LRRFIP2: variants seen among roughly 807,000 people sequenced by gnomAD.
LRRFIP2 encodes LRR binding FLII interacting protein 2.
A neutral mutation model predicts 125.9 loss-of-function variants in LRRFIP2; 109 were observed. The observed-to-expected ratio is 0.87, with a 90% CI of 0.74 to 1.01. The LOEUF is 1.01. LRRFIP2 is among the 50% of genes least tolerant of loss of function. The probability of loss-of-function intolerance (pLI) is 0.00; values close to 1 mark genes in which losing one functional copy is unlikely to be tolerated. For missense variants in LRRFIP2, 850 were observed against 862.3 expected, an observed-to-expected ratio of 0.99 and a Z score of 0.18; for synonymous variants, 291 against 293.1, an observed-to-expected ratio of 0.99 and a Z score of 0.07.
rs1293922114 is a variant in LRRFIP2, at chr3:37,072,874, CT to C, written c.1379del (p.Gln460ArgfsTer7). 6.2e-7 allele frequency: 1 copy of C among 1,608,292 alleles called. No homozygotes were observed. The highest frequency in any genetic ancestry group is 2.2e-5 in the East Asian group (1 of 44,742). On this transcript the variant is annotated frameshift_variant, in exon 21 of 28. Transcript: ENST00000336686. LOFTEE classifies it high-confidence loss of function. Reference sequence around the variant, plus strand: ...TGGTGTCTATTTTCTGCTGCATGCGCTGCTTCTCCTGCAGAGGAAGAGGGGA... The same window carrying C: ...TGGTGTCTATTTTCTGCTGCATGCGCGCTTCTCCTGCAGAGGAAGAGGGGA... ...RQRDELIEEK[Q>X]RMQQKIDTMT... is the part of the protein sequence containing the mutation.
At chr3:37,114,614 C>T (rs907622299) in intron 7 of LRRFIP2, among the ~76,000 whole-genome samples, 6 of 151,868 alleles carry the variant, frequency 4.0e-5, no homozygotes, top group African/African-American at 1.5e-4. Context: ...AAAACCCCAT[C>T]TCTACAAAAA....
intron 2 of LRRFIP2, chr3:37,135,242 C>T: frequency 1.6e-6 from 1 of 618,386 alleles, no homozygotes; most frequent in South Asian, 1.8e-5. Flanking sequence ...GGGCTGATCA[C>T]TAGGTCAGGA....
intron 19 of LRRFIP2, among the ~76,000 whole-genome samples, chr3:37,083,065 C>T (rs1411166991): frequency 6.6e-6 from 1 of 152,142 alleles, no homozygotes; most frequent in Non-Finnish European, 1.5e-5. Flanking sequence ...CTGCAGTTGT[C>T]AGAGAGCAAA....
At chr3:37,096,079 G>C (rs1490170776) in intron 16 of LRRFIP2, among the ~76,000 whole-genome samples, 1 of 152,100 alleles carries the variant, frequency 6.6e-6, no homozygotes, top group Non-Finnish European at 1.5e-5. Flanking sequence ...TTACATATAA[G>C]TTCGCATTTG....
At chr3:37,071,742 A>C (rs1052032798) in intron 21 of LRRFIP2, among the ~76,000 whole-genome samples, 1 of 152,190 alleles carries the variant, frequency 6.6e-6, no homozygotes, top group African/African-American at 2.4e-5. Flanking sequence ...GACTTTTCTT[A>C]CATGTTCTAT....
At position 37,053,862 on chromosome 3, in the gene LRRFIP2, C is replaced by A; in HGVS notation, c.2155G>T (p.Ala719Ser). 2 of 1,613,530 alleles carry A rather than the reference C, an allele frequency of 1.2e-6. No homozygotes were observed. The highest frequency in any genetic ancestry group is 1.7e-6 in the Non-Finnish European group (2 of 1,179,414). Residue 719 changes from alanine (A) to serine (S), a missense_variant, in exon 28 of 28, where the codon GCC (alanine) becomes TCC (serine). Ala to Ser is a moderately conservative substitution (Grantham distance 99). Transcript: ENST00000336686. ...GAAGGGTGGTTTTCCTACTGCTGGG[C>A]CAGAAGTGCTGTCCTATTGGCCTTC... is the stretch of plus-strand genomic sequence containing the variant. ...KMKANRTALL[A>S]QQ
chr3:37,153,094 GAA>G (rs1418535690), intron 1 of LRRFIP2, among the ~76,000 whole-genome samples: 1 of 152,090 alleles, frequency 6.6e-6, no homozygotes, highest in Admixed American at 6.5e-5. Flanking sequence ...TAGCATTAAG[GAA>G]AAAGAGATGC....
chr3:37,102,665 A>AT (rs901668876), intron 15 of LRRFIP2, among the ~76,000 whole-genome samples: 3 of 151,106 alleles, frequency 2.0e-5, no homozygotes, highest in Admixed American at 6.6e-5. Flanking sequence ...CACCCAGCTA[A>AT]TTTTTTTTGT....
chr3:37,067,207 G>A (rs1459377817), intron 21 of LRRFIP2: 1 of 152,194 alleles, frequency 6.6e-6, no homozygotes, highest in East Asian at 1.9e-4. Context: ...GGAGAATCAG[G>A]TTGGTGATTT....
chr3:37,144,469 T>C (rs10154916), intron 2 of LRRFIP2, among the ~76,000 whole-genome samples: 53,374 of 152,028 alleles, frequency 0.35, 10,549 homozygotes, highest in Non-Finnish European at 0.45. Context: ...AAGCCAGGCA[T>C]GGTAGTGGTG....
chr3:37,121,382 C>A, intron 6 of LRRFIP2, 110 bp downstream of exon 6: 2 of 1,015,068 alleles, frequency 2.0e-6, no homozygotes, highest in East Asian at 2.5e-5. Context: ...TTTTATACTT[C>A]TTTTAAAAAC....
intron 1 of LRRFIP2, among the ~76,000 whole-genome samples, chr3:37,151,787 G>T (rs899122002): frequency 6.6e-6 from 1 of 151,984 alleles, no homozygotes; most frequent in Admixed American, 6.6e-5. Flanking sequence ...TAGTAGAAAC[G>T]GGGTTTCGCC....
intron 1 of LRRFIP2, among the ~76,000 whole-genome samples, chr3:37,167,970 T>A (rs1488743284): frequency 1.3e-5 from 2 of 152,168 alleles, no homozygotes; most frequent in Admixed American, 1.3e-4. Flanking sequence ...AGTGAGACCC[T>A]GGCTCAACAT....
intron 1 of LRRFIP2, among the ~76,000 whole-genome samples, chr3:37,165,821 G>GAAAA (rs2096471408): frequency 7.9e-6 from 1 of 125,956 alleles, no homozygotes; most frequent in Non-Finnish European, 1.8e-5. Flanking sequence ...AAGAAAGAAA[G>GAAAA]AAAGAAAGAA....
intron 26 of LRRFIP2, among the ~76,000 whole-genome samples, chr3:37,054,719 A>G (rs1474507606): frequency 6.6e-6 from 1 of 152,230 alleles, no homozygotes; most frequent in Non-Finnish European, 1.5e-5. Context: ...CTGTAGAGTC[A>G]TTTTAGGGCC....
chr3:37,121,807 G>A (rs1203828426), intron 4 of LRRFIP2, 116 bp from the exon 5 acceptor site: 2 of 930,004 alleles, frequency 2.2e-6, no homozygotes, highest in African/African-American at 1.6e-5. Flanking sequence ...AGAGCAGGCA[G>A]GTTTGGATAA....
At chr3:37,098,833 T>C (rs1463215134) in intron 15 of LRRFIP2, among the ~76,000 whole-genome samples, 1 of 152,216 alleles carries the variant, frequency 6.6e-6, no homozygotes, top group African/African-American at 2.4e-5. Flanking sequence ...TAAACTGCCT[T>C]ATCTTCCTGA....
chr3:37,084,123 T>G (rs545165637), intron 18 of LRRFIP2, among the ~76,000 whole-genome samples: 5 of 152,242 alleles, frequency 3.3e-5, no homozygotes, highest in Admixed American at 3.3e-4. Flanking sequence ...ATCATCAATA[T>G]TTTCAGAAAT....
chr3:37,163,872 A>G (rs962727934), intron 1 of LRRFIP2, among the ~76,000 whole-genome samples: 1 of 152,208 alleles, frequency 6.6e-6, no homozygotes, highest in Non-Finnish European at 1.5e-5. Flanking sequence ...CCATTAAAGG[A>G]TATCTTGAGG....
Sources: gnomAD v4.1 joint callset for allele counts (sites outside exome capture counted in the v4.1 genomes callset) on GRCh38, gnomAD v4.1.1 for gene constraint, MANE v1.5 for transcripts, NCBI Gene and HGNC (gene_info 2026-07-23, HGNC 2026-07-21) for gene names.